EXOC6B: variants seen among roughly 807,000 people sequenced by gnomAD.
The protein encoded by EXOC6B is SEC15 homolog B.
EXOC6B carries 54 observed loss-of-function variants against 113.5 expected under a neutral mutation model. That is an observed-to-expected ratio of 0.48 (90% CI 0.38 to 0.60). The LOEUF is 0.60. Among genes scored for constraint, EXOC6B ranks in the 20% least tolerant of loss-of-function variants. EXOC6B has a pLI of 0.00. For missense variants in EXOC6B, 797 were observed against 977.5 expected, an observed-to-expected ratio of 0.82 and a Z score of 2.46; for synonymous variants, 357 against 339.0, an observed-to-expected ratio of 1.05 and a Z score of -0.58.
At chr2:72,375,195 A>C (rs1269675413) in intron 19 of EXOC6B, among the ~76,000 whole-genome samples, 2 of 152,178 alleles carry the variant, frequency 1.3e-5, no homozygotes, top group African/African-American at 4.8e-5. Flanking sequence ...GGAAACTGAC[A>C]GGATTGATAT....
At chr2:72,365,199 T>C (rs1690545275) in intron 19 of EXOC6B, among the ~76,000 whole-genome samples, 1 of 152,118 alleles carries the variant, frequency 6.6e-6, no homozygotes, top group South Asian at 2.1e-4. Context: ...CCTGTACTTT[T>C]CTTTTTTCCC....
intron 18 of EXOC6B, among the ~76,000 whole-genome samples, chr2:72,385,653 A>G (rs538448379): frequency 6.6e-6 from 1 of 152,298 alleles, no homozygotes; most frequent in South Asian, 2.1e-4. Context: ...AAGGAACTCA[A>G]ACTCAATGAC....
At chr2:72,756,679 TC>T (rs1235094120) in intron 1 of EXOC6B, among the ~76,000 whole-genome samples, 6 of 152,182 alleles carry the variant, frequency 3.9e-5, no homozygotes, top group African/African-American at 1.4e-4. Flanking sequence ...ACTCACTTAT[TC>T]CCCAAATATA....
chr2:72,802,630 C>T (rs1338186197), intron 1 of EXOC6B, among the ~76,000 whole-genome samples: 1 of 151,934 alleles, frequency 6.6e-6, no homozygotes, highest in East Asian at 1.9e-4. Flanking sequence ...AATTGTGTTA[C>T]TATATAGTCG....
intron 20 of EXOC6B, among the ~76,000 whole-genome samples, chr2:72,265,456 C>T (rs62147631): frequency 1.0e-3 from 149 of 149,198 alleles, no homozygotes; most frequent in African/African-American, 3.6e-3. Flanking sequence ...TCCTGTGTCC[C>T]TGTGTTTTCA....
intron 19 of EXOC6B, among the ~76,000 whole-genome samples, chr2:72,370,131 C>G (rs925539145): frequency 3.3e-5 from 5 of 152,106 alleles, no homozygotes; most frequent in African/African-American, 1.2e-4. Context: ...GGGCTAATAT[C>G]CAGAATCCAC....
chr2:72,782,926 A>G (rs976192131), intron 1 of EXOC6B, among the ~76,000 whole-genome samples: 26 of 152,136 alleles, frequency 1.7e-4, no homozygotes, highest in Non-Finnish European at 3.2e-4. Flanking sequence ...TCATCCATTG[A>G]TATGCACTTA....
chr2:72,361,659 T>C lies in EXOC6B; in HGVS notation c.2122+18070A>G, dbSNP rs187230157. Among the ~76,000 whole-genome samples the C allele has an allele frequency of 3.1e-3, 477 of 152,304 alleles. 1 individual carries two copies. The highest frequency in any genetic ancestry group is 0.011 in the African/African-American group (451 of 41,568). ...TACCTAGGGTTCAGTGAGATCTCTT[T>C]ATAAAGATTCTTTAGTTCTGATGTC... On this transcript the variant is annotated intron_variant, in intron 19 of 21. Transcript: ENST00000272427.
intron 6 of EXOC6B, among the ~76,000 whole-genome samples, chr2:72,592,125 AG>A (rs1202834002): frequency 6.6e-6 from 1 of 152,160 alleles, no homozygotes; most frequent in Non-Finnish European, 1.5e-5. Flanking sequence ...GATAAGAAAA[AG>A]AACAACAAAG....
At chr2:72,422,504 T>A (rs1001478926) in intron 18 of EXOC6B, among the ~76,000 whole-genome samples, 1 of 150,928 alleles carries the variant, frequency 6.6e-6, no homozygotes, top group Non-Finnish European at 1.5e-5. Flanking sequence ...GATTTGTGAG[T>A]GCACCAATCG....
At chr2:72,230,911 C>T (rs769300189) in intron 20 of EXOC6B, among the ~76,000 whole-genome samples, 1 of 152,132 alleles carries the variant, frequency 6.6e-6, no homozygotes, top group Non-Finnish European at 1.5e-5. Context: ...AAGAAACAGG[C>T]TTTCCAGGTA....
chr2:72,484,671 A>G (rs769250710), intron 16 of EXOC6B, among the ~76,000 whole-genome samples: 88 of 151,410 alleles, frequency 5.8e-4, no homozygotes, highest in Non-Finnish European at 1.1e-3. Flanking sequence ...TCATTGTTCA[A>G]CTCCCACTTA....
chr2:72,536,152 T>G (rs140575433), intron 8 of EXOC6B, among the ~76,000 whole-genome samples: 1,736 of 152,330 alleles, frequency 0.011, 46 homozygotes, highest in African/African-American at 0.04. Context: ...TTAAATTTGT[T>G]CTCATTCATG....
chr2:72,619,180 AGAG>A (rs1463893144), intron 6 of EXOC6B, among the ~76,000 whole-genome samples: 4 of 112,670 alleles, frequency 3.6e-5, no homozygotes, highest in Non-Finnish European at 7.9e-5. Flanking sequence ...ATACACAGCC[AGAG>A]AGAGAGAGAG....
chr2:72,528,084 A>C (rs1428044866), intron 8 of EXOC6B, among the ~76,000 whole-genome samples: 2 of 152,036 alleles, frequency 1.3e-5, no homozygotes, highest in African/African-American at 4.8e-5. Context: ...TTTACACTGA[A>C]AGAAAGTTAG....
Position 72,514,605 on chromosome 2 carries a change from A to ATATAT in EXOC6B, c.1046+28_1046+29insATATA, listed in dbSNP as rs1553432012. 1.1e-3 allele frequency: 173 copies of ATATAT among 151,600 alleles called. 1 individual carries two copies. The highest frequency in any genetic ancestry group is 5.6e-3 in the African/African-American group (147 of 26,328). The allele number at this position is 151,600 out of a possible 1,614,324, so 9.4% of individuals were successfully genotyped here. ...AAATAAATAAATAAATAAATAAATA[A>ATATAT]ATATATATATATATATATATATACC... On this transcript the variant is annotated intron_variant, in intron 10 of 21. Coordinates refer to ENST00000272427, the MANE Select transcript of EXOC6B (RefSeq NM_015189.3).
chr2:72,394,413 G>C (rs1451690263), intron 18 of EXOC6B, among the ~76,000 whole-genome samples: 1 of 152,120 alleles, frequency 6.6e-6, no homozygotes, highest in Non-Finnish European at 1.5e-5. Context: ...GAAGGTTTCA[G>C]AAAAGTGGTG....
chr2:72,520,459 T>A (rs543805487), intron 8 of EXOC6B, among the ~76,000 whole-genome samples: 2 of 152,360 alleles, frequency 1.3e-5, no homozygotes, highest in Non-Finnish European at 2.9e-5. Context: ...ACTTTTAGCA[T>A]CACATTTCTT....
At chr2:72,566,013 T>C (rs1045965727) in intron 7 of EXOC6B, among the ~76,000 whole-genome samples, 7 of 140,930 alleles carry the variant, frequency 5.0e-5, no homozygotes, top group South Asian at 2.2e-4. Context: ...TTTTGTTTTG[T>C]TTTTTTTTTT....
Sources: allele counts gnomAD v4.1 joint callset (sites outside exome capture counted in the v4.1 genomes callset), GRCh38; gene constraint gnomAD v4.1.1; transcripts MANE v1.5; gene names NCBI Gene and HGNC (gene_info 2026-07-23, HGNC 2026-07-21).